The following CR1 variants were observed in gnomAD, a reference collection of about 807,000 sequenced individuals.
CR1 encodes the protein complement C3b/C4b receptor 1 (Knops blood group), also known as complement receptor type 1.
In CR1, 116 loss-of-function variants were observed where a neutral mutation model predicts 187.3. The observed-to-expected ratio is 0.62, with a 90% CI of 0.53 to 0.72. The LOEUF is 0.72. CR1 is among the 30% of genes least tolerant of loss of function. The pLI is 0.00. For missense variants in CR1, 1,731 were observed against 2,110.7 expected (o/e 0.82, Z 3.52); for synonymous variants, 576 against 747.1 (o/e 0.77, Z 3.73).
chr1:207,567,452 C>T (rs760622460), intron 24 of CR1, among the ~76,000 whole-genome samples: 72 of 150,226 alleles, frequency 4.8e-4, no homozygotes, highest in Non-Finnish European at 8.7e-4. Context: ...TTCCTCAGCG[C>T]TGTGTCCCCA....
chr1:207,615,983 A>T (rs971422934), intron 40 of CR1, among the ~76,000 whole-genome samples: 28 of 152,198 alleles, frequency 1.8e-4, no homozygotes, highest in African/African-American at 5.1e-4. Flanking sequence ...GACTAAAAGG[A>T]GGAAGAAATG....
intron 27 of CR1, among the ~76,000 whole-genome samples, chr1:207,573,460 T>A (rs1425233180): frequency 6.6e-6 from 1 of 152,058 alleles, no homozygotes; most frequent in Non-Finnish European, 1.5e-5. Flanking sequence ...CATTGCTGAA[T>A]AAGTGAGGAA....
At position 207,582,987 on chromosome 1, in the gene CR1, A is replaced by G. The variant is rs372431394; in HGVS notation, c.5302+984A>G. 3.7e-3 allele frequency among the ~76,000 whole-genome samples: 557 copies of G among 152,288 alleles called. 5 individuals carry two copies. The highest frequency in any genetic ancestry group is 0.013 in the African/African-American group (542 of 41,552). ...TATGTTGGAGAGTCCCAGGCTGCCC[A>G]TAGATATGTAGAAGCCATCATTGTA... On this transcript the variant is annotated intron_variant, in intron 32 of 46. Coordinates refer to ENST00000367049, the MANE Select transcript of CR1 (RefSeq NM_000651.6).
At chr1:207,600,062 A>C (rs1441475909) in intron 35 of CR1, among the ~76,000 whole-genome samples, 1 of 152,196 alleles carries the variant, frequency 6.6e-6, no homozygotes, top group African/African-American at 2.4e-5. Flanking sequence ...TCTCTATTGC[A>C]ATTACTCAGT....
intron 27 of CR1, among the ~76,000 whole-genome samples, chr1:207,573,805 C>T (rs1226052897): frequency 6.6e-6 from 1 of 151,884 alleles, no homozygotes; most frequent in African/African-American, 2.4e-5. Flanking sequence ...AAGAGTTAAC[C>T]AAATGTTCCC....
At position 207,607,255 on chromosome 1, in the gene CR1, C is replaced by T. The variant is rs778591697; in HGVS notation, c.5815C>T (p.Arg1939Ter). 2.5e-6 allele frequency: 4 copies of T among 1,612,452 alleles called. No homozygotes were observed. The South Asian group carries it at 3.3e-5, about 13-fold the overall frequency. ...TVNYSCNEGF[R>*]LIGSPSTTCL... The stretch of plus-strand genomic sequence containing the variant: ...ATTTTCTATCCTTTGCTTTAGGTTT[C>T]GACTCATTGGTTCCCCATCTACTAC... The change falls in exon 36 of 47, where the codon CGA becomes TGA. Residue 1939 changes from arginine to a stop codon, truncating the protein, a stop_gained. Coordinates refer to ENST00000367049, the MANE Select transcript of CR1 (RefSeq NM_000651.6). LOFTEE classifies it high-confidence loss of function.
At chr1:207,515,147 G>A (rs568005610) in intron 4 of CR1, among the ~76,000 whole-genome samples, 1 of 109,556 alleles carries the variant, frequency 9.1e-6, no homozygotes, top group Non-Finnish European at 1.8e-5. Flanking sequence ...ACGTGTATAC[G>A]TATATATACA....
At chr1:207,509,596 A>T (rs1235880439) in intron 3 of CR1, among the ~76,000 whole-genome samples, 2 of 152,238 alleles carry the variant, frequency 1.3e-5, no homozygotes, top group Admixed American at 6.5e-5. Context: ...CTCATATTTA[A>T]AATGTTCAGT....
At chr1:207,624,172 C>T (rs1237525816) in intron 45 of CR1, among the ~76,000 whole-genome samples, 2 of 151,852 alleles carry the variant, frequency 1.3e-5, no homozygotes, top group South Asian at 2.1e-4. Flanking sequence ...GTGATCCACC[C>T]GCCTCAGCCT....
chr1:207,631,187 T>C (rs1393910491), intron 46 of CR1, among the ~76,000 whole-genome samples: 2 of 152,206 alleles, frequency 1.3e-5, no homozygotes, highest in African/African-American at 2.4e-5. Flanking sequence ...GCAGTACACA[T>C]TGCTAAAGAT....
intron 4 of CR1, among the ~76,000 whole-genome samples, chr1:207,522,128 G>C (rs116183428): frequency 1.3e-5 from 2 of 152,192 alleles, no homozygotes; most frequent in African/African-American, 2.4e-5. Flanking sequence ...AATTCTATTT[G>C]AAAACTGTGT....
intron 4 of CR1, among the ~76,000 whole-genome samples, chr1:207,519,890 A>T (rs1290796154): frequency 6.6e-6 from 1 of 152,056 alleles, no homozygotes; most frequent in Non-Finnish European, 1.5e-5. Flanking sequence ...TGATTGGCCA[A>T]AACTCGGTGA....
At chr1:207,510,342 T>A (rs1572995550) in intron 3 of CR1, among the ~76,000 whole-genome samples, 1 of 152,370 alleles carries the variant, frequency 6.6e-6, no homozygotes, top group Non-Finnish European at 1.5e-5. Context: ...GTTCTCTCAC[T>A]ATTTATTTGA....
chr1:207,519,706 T>A (rs1250510293), intron 4 of CR1, among the ~76,000 whole-genome samples: 2 of 152,138 alleles, frequency 1.3e-5, no homozygotes, highest in South Asian at 4.1e-4. Flanking sequence ...TCAGGCAGCC[T>A]CCCGAGCCAA....
intron 35 of CR1, among the ~76,000 whole-genome samples, chr1:207,590,163 T>A (rs1286915034): frequency 6.6e-6 from 1 of 152,098 alleles, no homozygotes; most frequent in African/African-American, 2.4e-5. Context: ...ATTGTCAGAT[T>A]CACCAAGGTT....
At chr1:207,524,625 C>T (rs1336828389) in intron 5 of CR1, among the ~76,000 whole-genome samples, 1 of 151,964 alleles carries the variant, frequency 6.6e-6, no homozygotes, top group East Asian at 1.9e-4. Context: ...TCAGCTCAAG[C>T]AATTCACCCA....
intron 2 of CR1, 78 bp downstream of exon 2, chr1:207,506,161 A>G: frequency 6.5e-7 from 1 of 1,528,030 alleles, no homozygotes; most frequent in East Asian, 2.3e-5. Flanking sequence ...AAATTTTGTA[A>G]CTGAGTTGCA....
chr1:207,499,300 A>G (rs1659192943), intron 1 of CR1, among the ~76,000 whole-genome samples: 1 of 152,242 alleles, frequency 6.6e-6, no homozygotes, highest in South Asian at 2.1e-4. Context: ...CAATTATCCA[A>G]GAAGACGTAA....
chr1:207,611,924 T>C lies in CR1; in HGVS notation c.6473-15T>C, dbSNP rs1661944258. 1 of 1,613,936 alleles carries C rather than the reference T, an allele frequency of 6.2e-7. No homozygotes were observed. Among genetic ancestry groups the C allele is most frequent in the African/African-American group, 1.3e-5 (1 of 74,940 alleles). ...CATGGAGGACTTACTCCTGTTGTTT[T>C]ATTTTTTCTTCTAGTGAAATCCTGT... On this transcript the variant is annotated splice_polypyrimidine_tract_variant and intron_variant, in intron 38 of 46. Transcript: ENST00000367049.
Sources: gnomAD v4.1 joint callset for allele counts (sites outside exome capture counted in the v4.1 genomes callset) on GRCh38, gnomAD v4.1.1 for gene constraint, MANE v1.5 for transcripts, NCBI Gene and HGNC (gene_info 2026-07-23, HGNC 2026-07-21) for gene names.